The following SGCZ variants were observed in gnomAD, a reference collection of about 807,000 sequenced individuals.
The protein encoded by SGCZ is sarcoglycan zeta.
A neutral mutation model predicts 41.3 loss-of-function variants in SGCZ; 40 were observed. The observed-to-expected ratio is 0.97, with a 90% CI of 0.75 to 1.26. The LOEUF (loss-of-function observed/expected upper bound fraction) is 1.26. Among genes scored for constraint, SGCZ ranks in the 50% most tolerant of loss-of-function variants. The probability of loss-of-function intolerance (pLI) is 0.00; values close to 1 mark genes in which losing one functional copy is unlikely to be tolerated. For synonymous variants in SGCZ, 206 were observed against 137.5 expected, an observed-to-expected ratio of 1.50 and a Z score of -3.49; for missense variants, 552 against 369.8, an observed-to-expected ratio of 1.49 and a Z score of -4.04.
At chr8:14,243,344 G>A (rs1324683691) in intron 3 of SGCZ, among the ~76,000 whole-genome samples, 2 of 152,132 alleles carry the variant, frequency 1.3e-5, no homozygotes, top group Non-Finnish European at 2.9e-5. Context: ...AGCTGCGTCA[G>A]AAATACTTCT....
intron 4 of SGCZ, among the ~76,000 whole-genome samples, chr8:14,182,920 G>C (rs375735403): frequency 6.7e-6 from 1 of 149,200 alleles, no homozygotes; most frequent in African/African-American, 2.5e-5. Flanking sequence ...TGAGACAGGA[G>C]AATCGCTTGA....
At chr8:14,978,658 A>C (rs1204059595) in intron 1 of SGCZ, among the ~76,000 whole-genome samples, 1 of 152,080 alleles carries the variant, frequency 6.6e-6, no homozygotes, top group South Asian at 2.1e-4. Flanking sequence ...CAAGTCTTCA[A>C]ATCTCACTTT....
At chr8:14,289,737 G>A (rs553863802) in intron 3 of SGCZ, among the ~76,000 whole-genome samples, 12 of 151,862 alleles carry the variant, frequency 7.9e-5, no homozygotes, top group African/African-American at 2.4e-4. Flanking sequence ...AATAAATGGT[G>A]CTAGGAAAAC....
chr8:14,929,711 C>A (rs926726613), intron 1 of SGCZ, among the ~76,000 whole-genome samples: 12 of 152,156 alleles, frequency 7.9e-5, no homozygotes, highest in African/African-American at 2.9e-4. Context: ...ATAAAATCCA[C>A]AGCTGACAGC....
At chr8:14,958,228 C>G (rs1800854630) in intron 1 of SGCZ, among the ~76,000 whole-genome samples, 2 of 151,722 alleles carry the variant, frequency 1.3e-5, no homozygotes, top group African/African-American at 4.8e-5. Flanking sequence ...AAAAGGGACC[C>G]AAGTTTACCC....
At chr8:14,706,768 T>A (rs557936149) in intron 1 of SGCZ, among the ~76,000 whole-genome samples, 4 of 152,132 alleles carry the variant, frequency 2.6e-5, no homozygotes, top group Non-Finnish European at 5.9e-5. Context: ...TTAAGTATAA[T>A]GTTTAGCAAT....
chr8:14,438,524 C>T (rs1316425644), intron 2 of SGCZ, among the ~76,000 whole-genome samples: 2 of 151,866 alleles, frequency 1.3e-5, no homozygotes, highest in African/African-American at 4.8e-5. Flanking sequence ...TAGACTTGTA[C>T]ATGCTTGGAG....
chr8:14,889,687 A>G (rs1292338106), intron 1 of SGCZ, among the ~76,000 whole-genome samples: 1 of 152,110 alleles, frequency 6.6e-6, no homozygotes, highest in African/African-American at 2.4e-5. Flanking sequence ...ATGTATTTGA[A>G]CATATTAACA....
In SGCZ at chr8:14,164,663, A is replaced by C; in HGVS notation, c.464T>G (p.Val155Gly). ...CACCCTGCCATCTTCACTGGCTCTC[A>C]CTTCAAATCTTTTACACTGAGCTTC... ...AVEAQCKRFE[V>G]RASEDGRVLF... is the part of the protein sequence containing the mutation. Residue 155 changes from valine to glycine, a missense_variant, in exon 5 of 8, where the codon GTG becomes GGG. Coordinates refer to ENST00000382080, the MANE Select transcript of SGCZ (RefSeq NM_139167.4). 1 of 1,613,592 alleles carries C rather than the reference A, an allele frequency of 6.2e-7. No homozygotes were observed. The highest frequency in any genetic ancestry group is 8.5e-7 in the Non-Finnish European group (1 of 1,179,694).
At chr8:14,619,141 C>G (rs1014244457) in intron 1 of SGCZ, among the ~76,000 whole-genome samples, 1 of 151,992 alleles carries the variant, frequency 6.6e-6, no homozygotes, top group African/African-American at 2.4e-5. Context: ...TCAACATATG[C>G]AAATCAATAA....
chr8:14,468,162 C>T (rs1801104722), intron 2 of SGCZ, among the ~76,000 whole-genome samples: 1 of 151,966 alleles, frequency 6.6e-6, no homozygotes, highest in African/African-American at 2.4e-5. Flanking sequence ...TTTCTAGCTA[C>T]ATTACTTTAC....
At chr8:14,388,215 C>A (rs2117209729) in intron 2 of SGCZ, among the ~76,000 whole-genome samples, 2 of 151,844 alleles carry the variant, frequency 1.3e-5, no homozygotes, top group Admixed American at 6.6e-5. Context: ...TAAAAAAATC[C>A]TAATTTCCAA....
chr8:14,817,071 C>A (rs191081496), intron 1 of SGCZ, among the ~76,000 whole-genome samples: 89 of 152,276 alleles, frequency 5.8e-4, no homozygotes, highest in African/African-American at 2.0e-3. Context: ...GAGATAGCTT[C>A]TTCCACACTA....
chr8:14,267,734 T>C (rs1293600041), intron 3 of SGCZ, among the ~76,000 whole-genome samples: 1 of 152,066 alleles, frequency 6.6e-6, no homozygotes, highest in Non-Finnish European at 1.5e-5. Flanking sequence ...CATCTGTATG[T>C]AGTGTGAGGA....
chr8:14,958,447 C>T (rs1304313810), intron 1 of SGCZ, among the ~76,000 whole-genome samples: 5 of 151,988 alleles, frequency 3.3e-5, no homozygotes, highest in Admixed American at 6.6e-5. Context: ...ACATGGTAAA[C>T]TCTGAAAACA....
At chr8:14,343,680 A>G (rs1330708972) in intron 2 of SGCZ, among the ~76,000 whole-genome samples, 1 of 152,220 alleles carries the variant, frequency 6.6e-6, no homozygotes, top group Non-Finnish European at 1.5e-5. Context: ...TGTATCTTAG[A>G]GACAGAATAA....
intron 1 of SGCZ, among the ~76,000 whole-genome samples, chr8:14,778,695 A>T (rs535490821): frequency 6.6e-6 from 1 of 152,304 alleles, no homozygotes; most frequent in African/African-American, 2.4e-5. Context: ...TGACGAGGAA[A>T]CCCATATGGG....
At chr8:14,345,287 A>C (rs1802856599) in intron 2 of SGCZ, among the ~76,000 whole-genome samples, 1 of 152,132 alleles carries the variant, frequency 6.6e-6, no homozygotes, top group African/African-American at 2.4e-5. Flanking sequence ...AAGAACTGCT[A>C]AGAATGTGAA....
intron 1 of SGCZ, among the ~76,000 whole-genome samples, chr8:14,652,902 A>G (rs1585156294): frequency 6.6e-6 from 1 of 152,194 alleles, no homozygotes; most frequent in South Asian, 2.1e-4. Flanking sequence ...CTAATTTCCC[A>G]TTATTGTAAA....
Sources: allele counts gnomAD v4.1 joint callset (sites outside exome capture counted in the v4.1 genomes callset), GRCh38; gene constraint gnomAD v4.1.1; transcripts MANE v1.5; gene names NCBI Gene and HGNC (gene_info 2026-07-23, HGNC 2026-07-21).